LINGO2: variants seen among roughly 807,000 people sequenced by gnomAD.
LINGO2 encodes the protein leucine-rich repeat and immunoglobulin-like domain-containing nogo receptor-interacting protein 2.
A neutral mutation model predicts 30.6 loss-of-function variants in LINGO2; 14 were observed. The ratio of observed to expected loss-of-function variants is 0.46; its 90% CI spans 0.30 to 0.72. LINGO2 has a LOEUF of 0.72. LINGO2 is among the 30% of genes least tolerant of loss of function. The pLI, the probability that LINGO2 is intolerant of heterozygous loss-of-function variation, is 0.07. For synonymous variants in LINGO2, 317 were observed against 288.5 expected (o/e 1.10, Z -1.00); for missense variants, 729 against 751.7 (o/e 0.97, Z 0.35).
At chr9:28,525,995 C>G (rs557142425) in intron 1 of LINGO2, among the ~76,000 whole-genome samples, 6 of 135,804 alleles carry the variant, frequency 4.4e-5, no homozygotes, top group Admixed American at 8.0e-5. Context: ...GGCAGAGCTT[C>G]CAGTGAGCCG....
chr9:27,981,287 T>C (rs1253004201), intron 5 of LINGO2, among the ~76,000 whole-genome samples: 1 of 151,434 alleles, frequency 6.6e-6, no homozygotes, highest in Admixed American at 6.6e-5. Flanking sequence ...TTAACAACCT[T>C]GTAAGATAAT....
chr9:28,671,894 T>G (rs192265044), upstream of LINGO2, among the ~76,000 whole-genome samples: 2 of 152,284 alleles, frequency 1.3e-5, no homozygotes, highest in Admixed American at 6.5e-5. Flanking sequence ...AGAAGTCATA[T>G]AAGTTCATGC....
Position 28,067,844 on chromosome 9 carries a change from C to T in LINGO2, c.-86-55439G>A, listed in dbSNP as rs149010843. 2.2e-3 allele frequency among the ~76,000 whole-genome samples: 335 copies of T among 152,190 alleles called. 1 individual carries two copies. Among genetic ancestry groups the T allele is most frequent in the Non-Finnish European group, 3.8e-3 (258 of 68,012 alleles). Reference sequence around the variant, plus strand: ...TCATAACAATGCTACGATGTAGATACGTTGGGCATTCTAGTCTTCACTTTA... The same window carrying T: ...TCATAACAATGCTACGATGTAGATATGTTGGGCATTCTAGTCTTCACTTTA... On this transcript the variant is annotated intron_variant, in intron 4 of 5. Transcript: ENST00000379992.
At chr9:28,433,943 C>CTCTCTCTCTCTCTCTCTCTCTA (rs1823794209) in intron 2 of LINGO2, among the ~76,000 whole-genome samples, 2 of 50,830 alleles carry the variant, frequency 3.9e-5, no homozygotes, top group Non-Finnish European at 5.7e-5. Flanking sequence ...CTCTCTCTCT[C>CTCTCTCTCTCTCTCTCTCTCTA]TCTCTCTATA....
At chr9:28,813,876 G>A in the LINGO2 span, among the ~76,000 whole-genome samples, 81 of 152,266 alleles carry the variant, frequency 5.3e-4, no homozygotes, top group African/African-American at 1.9e-3. Flanking sequence ...AAATGGTCTA[G>A]AAGCAGAAAA....
At chr9:28,387,652 T>C (rs78018298) in intron 2 of LINGO2, among the ~76,000 whole-genome samples, 3,626 of 152,104 alleles carry the variant, frequency 0.024, 57 homozygotes, top group East Asian at 0.045. Context: ...TCAGGAGGAA[T>C]GAACAACTGT....
intron 1 of LINGO2, among the ~76,000 whole-genome samples, chr9:28,666,303 T>C (rs763967830): frequency 6.6e-6 from 1 of 152,154 alleles, no homozygotes; most frequent in Non-Finnish European, 1.5e-5. Flanking sequence ...TGCACTATTG[T>C]ACTTCTGCAG....
At chr9:28,020,742 G>A (rs1005098450) in intron 4 of LINGO2, among the ~76,000 whole-genome samples, 2 of 152,134 alleles carry the variant, frequency 1.3e-5, no homozygotes, top group African/African-American at 4.8e-5. Context: ...TATTCAGATT[G>A]TATCAATTTC....
At chr9:28,678,691 C>T in the LINGO2 span, among the ~76,000 whole-genome samples, 6 of 152,178 alleles carry the variant, frequency 3.9e-5, 1 homozygote, top group Middle Eastern at 0.014. Context: ...GGGCTTTGCA[C>T]ATCAAATACT....
chr9:28,801,988 A>C, the LINGO2 span, among the ~76,000 whole-genome samples: 4 of 152,008 alleles, frequency 2.6e-5, no homozygotes, highest in African/African-American at 9.6e-5. Flanking sequence ...TATAGTTTTC[A>C]ATCTTTTCTA....
chr9:28,441,221 A>G (rs1219653121), intron 2 of LINGO2, among the ~76,000 whole-genome samples: 1 of 139,894 alleles, frequency 7.1e-6, no homozygotes, highest in African/African-American at 2.6e-5. Context: ...GACCTTAGTC[A>G]CAAGTATAGC....
the LINGO2 span, among the ~76,000 whole-genome samples, chr9:29,148,485 C>A: frequency 6.6e-6 from 1 of 151,984 alleles, no homozygotes; most frequent in East Asian, 1.9e-4. Context: ...TTATAGTGGC[C>A]CCCCTATAAT....
At chr9:28,484,980 C>T (rs1241502286) in intron 1 of LINGO2, among the ~76,000 whole-genome samples, 1 of 152,020 alleles carries the variant, frequency 6.6e-6, no homozygotes. Context: ...TGACTCTCCC[C>T]TCAAACAGCT....
intron 5 of LINGO2, among the ~76,000 whole-genome samples, chr9:27,985,324 T>C (rs899625420): frequency 6.6e-6 from 1 of 151,876 alleles, no homozygotes; most frequent in Non-Finnish European, 1.5e-5. Flanking sequence ...ATTAAACAGC[T>C]CCACAACAAG....
intron 4 of LINGO2, among the ~76,000 whole-genome samples, chr9:28,122,203 G>A (rs1391004902): frequency 6.6e-6 from 1 of 152,052 alleles, no homozygotes; most frequent in African/African-American, 2.4e-5. Flanking sequence ...TGTCCAGTTT[G>A]GGAATAGATT....
the LINGO2 span, among the ~76,000 whole-genome samples, chr9:29,062,891 C>T: frequency 6.6e-6 from 1 of 152,068 alleles, no homozygotes; most frequent in Non-Finnish European, 1.5e-5. Flanking sequence ...TTTCCAGTTT[C>T]TTTGTACCAT....
chr9:29,092,987 A>C, the LINGO2 span, among the ~76,000 whole-genome samples: 2 of 130,294 alleles, frequency 1.5e-5, 1 homozygote, highest in Non-Finnish European at 3.3e-5. Flanking sequence ...AAAAATCAAA[A>C]TCCTGTAGGA....
chr9:29,204,293 T>C, the LINGO2 span, among the ~76,000 whole-genome samples: 1 of 152,248 alleles, frequency 6.6e-6, no homozygotes, highest in Non-Finnish European at 1.5e-5. Flanking sequence ...AAAATCTTTC[T>C]ATCTTTCAAA....
chr9:28,200,599 T>C (rs1277981986), intron 4 of LINGO2, among the ~76,000 whole-genome samples: 1 of 152,230 alleles, frequency 6.6e-6, no homozygotes, highest in Admixed American at 6.5e-5. Flanking sequence ...GCTGCAAAGG[T>C]ATGACTCTCA....
Sources: gnomAD v4.1 joint callset for allele counts (sites outside exome capture counted in the v4.1 genomes callset) on GRCh38, gnomAD v4.1.1 for gene constraint, MANE v1.5 for transcripts, NCBI Gene and HGNC (gene_info 2026-07-23, HGNC 2026-07-21) for gene names.